The following IDE variants were observed in gnomAD, a reference collection of about 807,000 sequenced individuals.
IDE encodes the protein insulin degrading enzyme.
Under a neutral mutation model 133.2 loss-of-function variants are expected in IDE, and 58 were observed. The ratio of observed to expected loss-of-function variants is 0.44; its 90% CI spans 0.35 to 0.54. The LOEUF is 0.54. IDE is among the 20% of genes least tolerant of loss of function. The probability of loss-of-function intolerance (pLI) is 0.00; values close to 1 mark genes in which losing one functional copy is unlikely to be tolerated. For synonymous variants in IDE, 396 were observed against 421.3 expected, an observed-to-expected ratio of 0.94 and a Z score of 0.73; for missense variants, 981 against 1,234.0, an observed-to-expected ratio of 0.79 and a Z score of 3.07.
chr10:92,470,149 T>C (rs1845888771), intron 18 of IDE, 105 bp downstream of exon 18: 1 of 699,996 alleles, frequency 1.4e-6, no homozygotes, highest in Non-Finnish European at 2.4e-6. Context: ...TAAACTCTAA[T>C]GTGTTCCTTA....
intron 17 of IDE, among the ~76,000 whole-genome samples, chr10:92,471,135 G>C (rs1316150182): frequency 6.6e-6 from 1 of 151,836 alleles, no homozygotes; most frequent in Non-Finnish European, 1.5e-5. Flanking sequence ...GGTAGTTATT[G>C]CCTGTAGCAA....
At chr10:92,455,684 T>C (rs1589348254) in intron 23 of IDE, 41 bp from the exon 24 acceptor site, 1 of 1,116,434 alleles carries the variant, frequency 9.0e-7, no homozygotes, top group Non-Finnish European at 1.3e-6. Flanking sequence ...TACTTATTGA[T>C]ACTATCACAA....
chr10:92,454,416 C>G lies in IDE; in HGVS notation c.*28G>C. The stretch of plus-strand genomic sequence containing the variant: ...TCTGGAAGACTCAGGAATGCATCCA[C>G]TTGCACTTTCCCATGCATGGGGAAT... On this transcript the variant is annotated 3_prime_UTR_variant, in exon 25 of 25. Coordinates refer to ENST00000265986, the MANE Select transcript of IDE (RefSeq NM_004969.4). 1 of 1,466,770 alleles carries G rather than the reference C, an allele frequency of 6.8e-7. No individual in the cohort carries two copies. Among genetic ancestry groups the G allele is most frequent in the Non-Finnish European group, 9.6e-7 (1 of 1,045,318 alleles). 90.9% of individuals were successfully genotyped at this position (1,466,770 alleles called of 1,614,324 possible).
intron 4 of IDE, among the ~76,000 whole-genome samples, chr10:92,526,955 G>A (rs373031870): frequency 6.6e-6 from 1 of 151,624 alleles, no homozygotes; most frequent in South Asian, 2.1e-4. Flanking sequence ...GAGAAGCTGC[G>A]ATTACAGGTG....
At chr10:92,544,228 A>G (rs1435432161) in intron 1 of IDE, among the ~76,000 whole-genome samples, 9 of 148,180 alleles carry the variant, frequency 6.1e-5, no homozygotes, top group African/African-American at 2.3e-4. Context: ...GCGAGACACC[A>G]TCTCAAAAAA....
intron 1 of IDE, among the ~76,000 whole-genome samples, chr10:92,545,121 T>G (rs1379366624): frequency 6.6e-6 from 1 of 152,138 alleles, no homozygotes; most frequent in African/African-American, 2.4e-5. Context: ...CTATGGTAAT[T>G]ATCATACTCA....
chr10:92,550,764 G>GGAGGCTGAGGCAGGAGAATGGCAT (rs1842743550), intron 1 of IDE, among the ~76,000 whole-genome samples: 1 of 152,128 alleles, frequency 6.6e-6, no homozygotes, highest in Non-Finnish European at 1.5e-5. Flanking sequence ...CAGCTACTCA[G>GGAGGCTGAGGCAGGAGAATGGCAT]GAGGCTGAGG....
intron 1 of IDE, among the ~76,000 whole-genome samples, chr10:92,547,353 G>A (rs564687424): frequency 6.6e-6 from 1 of 152,032 alleles, no homozygotes; most frequent in Admixed American, 6.6e-5. Context: ...CAAAATGCTG[G>A]GATTACAGGC....
At chr10:92,500,366 G>A (rs565278200) in intron 11 of IDE, among the ~76,000 whole-genome samples, 13 of 151,908 alleles carry the variant, frequency 8.6e-5, no homozygotes, top group East Asian at 1.9e-4. Flanking sequence ...ACATATAATG[G>A]AACACTATTT....
chr10:92,454,641 TAATA>T, intron 24 of IDE, 102 bp from the exon 25 acceptor site: 1 of 777,644 alleles, frequency 1.3e-6, no homozygotes, highest in Non-Finnish European at 2.2e-6. Flanking sequence ...CAGTTCTACT[TAATA>T]TACTGTTTTT....
At chr10:92,456,009 C>A (rs1472875470) in intron 23 of IDE, among the ~76,000 whole-genome samples, 1 of 152,144 alleles carries the variant, frequency 6.6e-6, no homozygotes, top group East Asian at 1.9e-4. Context: ...TTAATGGCCA[C>A]AGGACAAACT....
chr10:92,485,150 A>T (rs1321363903), intron 13 of IDE, among the ~76,000 whole-genome samples: 2 of 110,070 alleles, frequency 1.8e-5, no homozygotes, highest in Admixed American at 1.2e-4. Flanking sequence ...TTTTTGTGAC[A>T]GAGTTTCGCT....
In IDE at chr10:92,488,425, C is replaced by T. The variant is rs1234571959; in HGVS notation, c.1534-1107G>A. Among the ~76,000 whole-genome samples, 6 of 152,112 alleles carry T rather than the reference C, an allele frequency of 3.9e-5. No homozygotes were observed. The South Asian group carries it at 1.0e-3, about 26-fold the overall frequency. On this transcript the variant is annotated intron_variant, in intron 12 of 24. Coordinates refer to ENST00000265986, the MANE Select transcript of IDE (RefSeq NM_004969.4). ...AGTACTTCTTAAGAACTGGCCCACA[C>T]CTCTCCCAGATGATCATGTGAACTT...
At chr10:92,551,938 C>T (rs1442739592) in intron 1 of IDE, among the ~76,000 whole-genome samples, 1 of 152,068 alleles carries the variant, frequency 6.6e-6, no homozygotes. Context: ...GAGTTTGAGA[C>T]CAGTCTGGGC....
chr10:92,524,497 TATTTTATATAATATATAA>T, intron 4 of IDE, among the ~76,000 whole-genome samples: 1 of 86,408 alleles, frequency 1.2e-5, no homozygotes, highest in Non-Finnish European at 2.1e-5. Context: ...TATTATAATA[TATTTTATATAATATATAA>T]TATATATTAT....
chr10:92,518,389 C>T (rs1386458502), intron 4 of IDE, among the ~76,000 whole-genome samples: 3 of 152,084 alleles, frequency 2.0e-5, no homozygotes, highest in East Asian at 3.8e-4. Context: ...GAAAAATACA[C>T]GTAAAAAAAG....
At chr10:92,545,130 C>T (rs79303112) in intron 1 of IDE, among the ~76,000 whole-genome samples, 5,399 of 152,106 alleles carry the variant, frequency 0.035, 367 homozygotes, top group African/African-American at 0.12. Context: ...TTATCATACT[C>T]AATGGTATAC....
chr10:92,501,248 C>T (rs779612937), intron 11 of IDE, among the ~76,000 whole-genome samples: 1 of 142,972 alleles, frequency 7.0e-6, no homozygotes, highest in Non-Finnish European at 1.5e-5. Context: ...TGTAATCCCA[C>T]CTACTTGGGA....
chr10:92,455,758 A>G (rs1589348506), intron 23 of IDE, 115 bp from the exon 24 acceptor site: 1 of 643,406 alleles, frequency 1.6e-6, no homozygotes, highest in East Asian at 2.6e-5. Context: ...AGCCCCGTTC[A>G]TGTACTTCTC....
Sources: allele counts gnomAD v4.1 joint callset (sites outside exome capture counted in the v4.1 genomes callset), GRCh38; gene constraint gnomAD v4.1.1; transcripts MANE v1.5; gene names NCBI Gene and HGNC (gene_info 2026-07-23, HGNC 2026-07-21).